Variants in MSANTD5 observed in about 807,000 individuals in gnomAD.
MSANTD5 encodes Myb/SANT DNA binding domain containing 5, also known as uncharacterized protein MSANTD5.
At chr5:178,700,725 G>T (rs140185353), upstream of MSANTD5, among the ~76,000 whole-genome samples, 1 of 143,986 alleles carries the variant, frequency 6.9e-6, no homozygotes, top group African/African-American at 2.5e-5. Context: ...CATAATCCGG[G>T]CTGAGAGGCT....
chr5:178,695,979 C>A (rs190900735), intron 2 of MSANTD5, 118 bp downstream of exon 2: 2 of 152,136 alleles, frequency 1.3e-5, no homozygotes, highest in Admixed American at 6.5e-5. Flanking sequence ...CTGAGGGCAG[C>A]CCTGGAATCC....
chr5:178,698,376 T>C (rs533020337), upstream of MSANTD5, among the ~76,000 whole-genome samples: 50 of 152,192 alleles, frequency 3.3e-4, 1 homozygote, highest in South Asian at 0.01. Context: ...GTGCCCAGCA[T>C]GTGAGGGAAG....
chr5:178,691,592 AG>A (rs1452456230), downstream of MSANTD5, among the ~76,000 whole-genome samples: 1 of 136,418 alleles, frequency 7.3e-6, no homozygotes, highest in Admixed American at 7.4e-5. Context: ...GCCCATAAGA[AG>A]GGCATGAAAA....
downstream of MSANTD5, among the ~76,000 whole-genome samples, chr5:178,693,856 C>T (rs1365867782): frequency 5.3e-5 from 8 of 152,006 alleles, no homozygotes; most frequent in Non-Finnish European, 1.0e-4. Context: ...CCCACCCGAC[C>T]CAGAAGCCCA....
upstream of MSANTD5, among the ~76,000 whole-genome samples, chr5:178,698,749 C>CTTTTTTTTTTT (rs70997624): frequency 3.0e-5 from 3 of 98,796 alleles, no homozygotes; most frequent in African/African-American, 4.0e-5. Flanking sequence ...CATGCTTGGC[C>CTTTTTTTTTTT]TTTTTTTTTT....
chr5:178,706,700 CT>C, the MSANTD5 span, among the ~76,000 whole-genome samples: 35,349 of 151,630 alleles, frequency 0.23, 4,474 homozygotes, highest in South Asian at 0.36. Context: ...CTCTGGCAAG[CT>C]TTTTTTCCCT....
At chr5:178,696,246 CAG>C (rs1454665115) in intron 1 of MSANTD5, 65 bp from the exon 2 acceptor site, 10 of 149,922 alleles carry the variant, frequency 6.7e-5, no homozygotes, top group African/African-American at 2.2e-4. Flanking sequence ...TTTTTTGAGA[CAG>C]AGTCTTGCTC....
chr5:178,696,810 G>A (rs1267160281), intron 1 of MSANTD5, among the ~76,000 whole-genome samples: 1 of 151,894 alleles, frequency 6.6e-6, no homozygotes, highest in African/African-American at 2.4e-5. Flanking sequence ...GGTGGAGAGA[G>A]GGAAGCAGAG....
chr5:178,702,015 G>A (rs1486262913), upstream of MSANTD5, among the ~76,000 whole-genome samples: 2 of 150,384 alleles, frequency 1.3e-5, no homozygotes, highest in African/African-American at 4.9e-5. Flanking sequence ...TTACAGGCGT[G>A]AGCCACCGCG....
At chr5:178,704,297 G>A in the MSANTD5 span, among the ~76,000 whole-genome samples, 1 of 152,202 alleles carries the variant, frequency 6.6e-6, no homozygotes, top group East Asian at 1.9e-4. Flanking sequence ...GATGGTGTGA[G>A]GGGATGAGGC....
chr5:178,698,397 G>A (rs892514440), upstream of MSANTD5, among the ~76,000 whole-genome samples: 1 of 151,860 alleles, frequency 6.6e-6, no homozygotes, highest in Non-Finnish European at 1.5e-5. Flanking sequence ...CAACTCCTAG[G>A]TTGCTTTTTG....
the MSANTD5 span, among the ~76,000 whole-genome samples, chr5:178,705,955 TCAAAA>T: frequency 6.6e-6 from 1 of 152,142 alleles, no homozygotes; most frequent in Admixed American, 6.5e-5. Flanking sequence ...AGACTCTGTC[TCAAAA>T]CAAAACAAAA....
At chr5:178,705,841 C>T in the MSANTD5 span, among the ~76,000 whole-genome samples, 1 of 152,198 alleles carries the variant, frequency 6.6e-6, no homozygotes, top group South Asian at 2.1e-4. Flanking sequence ...CCTGTAGTCC[C>T]AGCTACTCAG....
chr5:178,696,214 A>C (rs1765410462), intron 1 of MSANTD5, 33 bp from the exon 2 acceptor site: 1 of 150,248 alleles, frequency 6.7e-6, no homozygotes, highest in South Asian at 2.1e-4. Flanking sequence ...ACATATTAGA[A>C]TCTCTCTCTC....
At chr5:178,700,549 G>GC (rs979543761), upstream of MSANTD5, among the ~76,000 whole-genome samples, 44 of 147,760 alleles carry the variant, frequency 3.0e-4, no homozygotes, top group African/African-American at 1.0e-3. Flanking sequence ...ACCTCACTGG[G>GC]CCCCTGGGAG....
chr5:178,697,326 C>G (rs112190822), intron 1 of MSANTD5, among the ~76,000 whole-genome samples: 6 of 151,660 alleles, frequency 4.0e-5, no homozygotes, highest in Admixed American at 6.6e-5. Context: ...TGGTGGCGGG[C>G]GCCTGTAGTC....
chr5:178,702,306 T>C (rs1376585864), upstream of MSANTD5, among the ~76,000 whole-genome samples: 12 of 146,632 alleles, frequency 8.2e-5, no homozygotes, highest in Non-Finnish European at 1.4e-4. Context: ...TTTTTCTTTT[T>C]TTTTTTTTTT....
In MSANTD5 at chr5:178,697,327, G is replaced by T. The variant is rs376587851; in HGVS notation, c.6+259C>A. On this transcript the variant is annotated intron_variant, in intron 1 of 3. Coordinates refer to ENST00000648368, the Ensembl canonical transcript of MSANTD5. ...AAATTAGCCGGGCGTGGTGGCGGGC[G>T]CCTGTAGTCCCAGCTACTCGGGAGG... is the stretch of plus-strand genomic sequence containing the variant. Among the ~76,000 whole-genome samples the T allele has an allele frequency of 5.3e-5, 8 of 151,826 alleles. 1 individual carries two copies. In the South Asian group the frequency reaches 1.2e-3, roughly 24 times the overall value.
downstream of MSANTD5, among the ~76,000 whole-genome samples, chr5:178,694,178 A>C (rs954454960): frequency 2.6e-5 from 4 of 151,932 alleles, no homozygotes; most frequent in Non-Finnish European, 5.9e-5. Flanking sequence ...TTAGCTGGGC[A>C]TGGTGGCGGG....
Sources: allele counts gnomAD v4.1 joint callset (sites outside exome capture counted in the v4.1 genomes callset), GRCh38; gene constraint gnomAD v4.1.1; transcripts MANE v1.5; gene names NCBI Gene and HGNC (gene_info 2026-07-23, HGNC 2026-07-21).